The following HERC1 variants were observed in gnomAD, a reference collection of about 807,000 sequenced individuals.
The protein encoded by HERC1 is HECT and RLD domain containing E3 ubiquitin protein ligase family member 1.
HERC1 carries 160 observed loss-of-function variants against 554.3 expected under a neutral mutation model. That is an observed-to-expected ratio of 0.29 (90% confidence interval 0.25 to 0.33). The LOEUF (loss-of-function observed/expected upper bound fraction) is 0.33, where lower values mean the gene tolerates loss of function less well. Among genes scored for constraint, HERC1 ranks in the 10% least tolerant of loss-of-function variants. HERC1 has a pLI of 1.00. For synonymous variants in HERC1, 2,175 were observed against 2,131.7 expected (o/e 1.02, Z -0.56); for missense variants, 4,919 against 5,918.5 (o/e 0.83, Z 5.54).
chr15:63,649,216 G>A (rs1259284068), intron 54 of HERC1, among the ~76,000 whole-genome samples: 5 of 152,156 alleles, frequency 3.3e-5, no homozygotes, highest in Non-Finnish European at 7.3e-5. Context: ...AGCTGGGCGT[G>A]GTGGCGAGTG....
chr15:63,637,388 A>T, intron 64 of HERC1, 117 bp downstream of exon 64: 1 of 824,318 alleles, frequency 1.2e-6, no homozygotes, highest in Non-Finnish European at 1.9e-6. Flanking sequence ...ATTTAAATGT[A>T]AGTGAAAACC....
At position 63,659,799 on chromosome 15, in the gene HERC1, G is replaced by A; in HGVS notation, c.9361C>T (p.Leu3121=). 1 of 1,613,914 alleles carries A rather than the reference G, an allele frequency of 6.2e-7. No homozygotes were observed. Among genetic ancestry groups the A allele is most frequent in the Non-Finnish European group, 8.5e-7 (1 of 1,179,846 alleles). The change falls in exon 47 of 78, where the codon CTG becomes TTG. Residue 3121 remains leucine (L), a synonymous_variant. Coordinates refer to ENST00000443617, the MANE Select transcript of HERC1 (RefSeq NM_003922.4). ...GTGACCATTGCTACTGATGCTCCCA[G>A]TGGATCGCTGTCAGGGAACTGAACT... The part of the protein sequence containing the change: ...EPVQFPDSDP[L]GASVAMVTAT...
intron 71 of HERC1, 40 bp downstream of exon 71, chr15:63,625,945 G>C: frequency 6.3e-7 from 1 of 1,579,244 alleles, no homozygotes; most frequent in Non-Finnish European, 8.6e-7. Flanking sequence ...TGCTTACCAA[G>C]CCAGTCTGTG....
At chr15:63,642,407 G>A (rs1007065083) in intron 59 of HERC1, among the ~76,000 whole-genome samples, 8 of 152,090 alleles carry the variant, frequency 5.3e-5, no homozygotes, top group East Asian at 3.9e-4. Context: ...GCGCAGTCTC[G>A]GCTCACTGCA....
chr15:63,748,886 A>G (rs2075147395), intron 10 of HERC1, among the ~76,000 whole-genome samples: 1 of 152,078 alleles, frequency 6.6e-6, no homozygotes, highest in South Asian at 2.1e-4. Flanking sequence ...AAACACGTAC[A>G]GTTAGCACTT....
At chr15:63,696,932 T>G (rs954697058) in intron 26 of HERC1, among the ~76,000 whole-genome samples, 2 of 142,012 alleles carry the variant, frequency 1.4e-5, no homozygotes, top group African/African-American at 5.5e-5. Context: ...TCCTTCTTCT[T>G]TAAAAAAAAA....
chr15:63,649,713 G>A lies in HERC1; in HGVS notation c.10747+12C>T, dbSNP rs906922032. The A allele has an allele frequency of 3.1e-6, 5 of 1,608,312 alleles. No homozygotes were observed. The highest frequency in any genetic ancestry group is 4.3e-6 in the Non-Finnish European group (5 of 1,175,574). On this transcript the variant is annotated intron_variant, in intron 54 of 77. Transcript: ENST00000443617. ...GAGACTCCGTCAGCTAGACGTAAGT[G>A]CAGTCATTTACCATCCTTTCGATAG...
Position 63,727,868 on chromosome 15 carries a change from C to A in HERC1, c.3155-30G>T. ...GAAGGGCAAGAAATTAAACATGGGACAATTGCTTCAAATGAACTTTAAAAA... is the reference window on the plus strand; with the variant it reads ...GAAGGGCAAGAAATTAAACATGGGAAAATTGCTTCAAATGAACTTTAAAAA... On this transcript the variant is annotated intron_variant, in intron 16 of 77. Transcript: ENST00000443617. This position sits in a 1 kb window ranked among gnomAD's most constrained non-coding sequence, Gnocchi z 4.3. 1 of 1,558,700 alleles carries A rather than the reference C, an allele frequency of 6.4e-7. No individual in the cohort carries two copies. The highest frequency in any genetic ancestry group is 8.8e-7 in the Non-Finnish European group (1 of 1,136,366).
Position 63,666,062 on chromosome 15 carries a change from G to A in HERC1, c.8412C>T (p.Pro2804=), listed in dbSNP as rs952682737. 6.2e-7 allele frequency: 1 copy of A among 1,613,966 alleles called. No individual in the cohort carries two copies. The highest frequency in any genetic ancestry group is 8.5e-7 in the Non-Finnish European group (1 of 1,179,878). The change falls in exon 42 of 78, where the codon CCC becomes CCT. Residue 2804 remains proline, a synonymous_variant. Coordinates refer to ENST00000443617, the MANE Select transcript of HERC1 (RefSeq NM_003922.4). Reference sequence around the variant, plus strand: ...TAGAGTCTGCTGTGCTGCCCGACTGGGGCTCCTCTTCATCCTCATGCCCAG... The same window carrying A: ...TAGAGTCTGCTGTGCTGCCCGACTGAGGCTCCTCTTCATCCTCATGCCCAG... ...EHPGHEDEEE[P]QSGSTADSRP...
intron 19 of HERC1, 148 bp from the exon 20 acceptor site, chr15:63,719,045 T>C: frequency 1.7e-6 from 1 of 595,738 alleles, no homozygotes; most frequent in South Asian, 2.2e-5. Context: ...TCCCACTTAC[T>C]GTTCCAAGCG....
At chr15:63,720,102 C>CATTTTTTTTTTTTTTTT (rs1214451219) in intron 19 of HERC1, among the ~76,000 whole-genome samples, 1 of 20,960 alleles carries the variant, frequency 4.8e-5, no homozygotes, top group Non-Finnish European at 1.4e-4. Context: ...CTTTTTCTTC[C>CATTTTTTTTTTTTTTTT]CTTTTTTTTT....
rs1323184507 is a variant in HERC1, at chr15:63,737,485, TATATATATAC to T, written c.2521-2646_2521-2637del. Among the ~76,000 whole-genome samples the T allele has an allele frequency of 5.2e-5, 5 of 95,462 alleles. 1 individual carries two copies. The highest frequency in any genetic ancestry group is 9.1e-5 in the Non-Finnish European group (4 of 44,190). The allele number at this position is 95,462 out of a possible 152,430, so 62.6% of individuals were successfully genotyped here. A position where few individuals can be genotyped will look rare whatever the true frequency, so the allele number is the denominator to read the frequency against. The stretch of plus-strand genomic sequence containing the variant: ...TATATATATATCTTTTTTCCAGATA[TATATATATAC>T]ATATATATATCTTTTTTCCAGATAT... On this transcript the variant is annotated intron_variant, in intron 12 of 77. Coordinates refer to ENST00000443617, the MANE Select transcript of HERC1 (RefSeq NM_003922.4).
At chr15:63,639,601 T>C (rs1401086770) in intron 61 of HERC1, among the ~76,000 whole-genome samples, 2 of 152,260 alleles carry the variant, frequency 1.3e-5, no homozygotes. Flanking sequence ...CAAATGTTTG[T>C]ATACATAAAT....
chr15:63,732,894 T>C, intron 14 of HERC1, 30 bp downstream of exon 14: 1 of 1,424,046 alleles, frequency 7.0e-7, no homozygotes, highest in Non-Finnish European at 9.9e-7. Flanking sequence ...CCCTTTATTC[T>C]TTTTTTACTA....
At chr15:63,832,398 T>C (rs2078188373) in intron 1 of HERC1, among the ~76,000 whole-genome samples, 1 of 152,098 alleles carries the variant, frequency 6.6e-6, no homozygotes, top group South Asian at 2.1e-4. Context: ...GACATACTCA[T>C]CCCACACTAA....
At position 63,829,499 on chromosome 15, in the gene HERC1, TACAC is replaced by T. The variant is rs59580148; in HGVS notation, c.-27+4324_-27+4327del. Among the ~76,000 whole-genome samples, 21 of 53,374 alleles carry T rather than the reference TACAC, an allele frequency of 3.9e-4. 1 individual carries two copies. The highest frequency in any genetic ancestry group is 1.2e-3 in the African/African-American group (21 of 17,112). 35.0% of individuals were successfully genotyped at this position (53,374 alleles called of 152,430 possible). ...ATATAAATATATATATATATATATATACACACACACACATATATAAATAATATGT... is the reference window on the plus strand; with the variant it reads ...ATATAAATATATATATATATATATATACACACACATATATAAATAATATGT... On this transcript the variant is annotated intron_variant, in intron 1 of 77. Transcript: ENST00000443617.
Position 63,727,860 on chromosome 15 carries a change from A to G in HERC1, c.3155-22T>C. On this transcript the variant is annotated intron_variant, in intron 16 of 77. Transcript: ENST00000443617. This position sits in a 1 kb window ranked among gnomAD's most constrained non-coding sequence, Gnocchi z 4.3. ...ACATCTATGAAGGGCAAGAAATTAAACATGGGACAATTGCTTCAAATGAAC... is the reference window on the plus strand; with the variant it reads ...ACATCTATGAAGGGCAAGAAATTAAGCATGGGACAATTGCTTCAAATGAAC... 14 of 1,592,244 alleles carry G rather than the reference A, an allele frequency of 8.8e-6. No individual in the cohort carries two copies. The highest frequency in any genetic ancestry group is 1.2e-5 in the Non-Finnish European group (14 of 1,163,718).
intron 25 of HERC1, among the ~76,000 whole-genome samples, chr15:63,705,288 G>A (rs1245342183): frequency 6.6e-6 from 1 of 151,830 alleles, no homozygotes; most frequent in Non-Finnish European, 1.5e-5. Flanking sequence ...TGAGTAGCTA[G>A]AAATACAGGT....
intron 1 of HERC1, among the ~76,000 whole-genome samples, chr15:63,824,989 T>TAAATAAATCTA (rs2077840891): frequency 6.6e-6 from 1 of 151,764 alleles, no homozygotes; most frequent in Non-Finnish European, 1.5e-5. Context: ...TTATGTAGGA[T>TAAATAAATCTA]GAATAAATCT....
Sources: allele counts gnomAD v4.1 joint callset (sites outside exome capture counted in the v4.1 genomes callset), GRCh38; gene constraint gnomAD v4.1.1; non-coding constraint Gnocchi (gnomAD v3.1); transcripts MANE v1.5; gene names NCBI Gene and HGNC (gene_info 2026-07-23, HGNC 2026-07-21).